Variants in ZNF292 observed in about 807,000 individuals in gnomAD.
ZNF292 encodes the protein zinc finger protein 292.
ZNF292 carries 26 observed loss-of-function variants against 217.9 expected under a neutral mutation model. That is an observed-to-expected ratio of 0.12 (90% confidence interval 0.09 to 0.17). ZNF292 has a LOEUF of 0.17. Among genes scored for constraint, ZNF292 ranks in the 10% least tolerant of loss-of-function variants. The pLI is 1.00. For missense variants in ZNF292, 2,904 were observed against 3,175.2 expected (o/e 0.91, Z 2.05); for synonymous variants, 1,257 against 1,124.1 (o/e 1.12, Z -2.37).
chr6:87,172,259 A>G (rs1213551991), intron 1 of ZNF292, among the ~76,000 whole-genome samples: 1 of 152,116 alleles, frequency 6.6e-6, no homozygotes, highest in Admixed American at 6.5e-5. Context: ...GTAATCAGGA[A>G]ATTTCCCAGT....
chr6:87,248,399 C>T (rs1024506492), intron 7 of ZNF292, among the ~76,000 whole-genome samples: 4 of 152,090 alleles, frequency 2.6e-5, no homozygotes, highest in African/African-American at 9.7e-5. Context: ...CCTCTGTCAA[C>T]CTTGTTAACT....
chr6:87,264,545 G>GGT lies in ZNF292; in HGVS notation c.*2745_*2746dup, dbSNP rs1343400622. Among the ~76,000 whole-genome samples the GGT allele has an allele frequency of 6.6e-6, 1 of 152,170 alleles. No individual in the cohort carries two copies. The highest frequency in any genetic ancestry group is 1.5e-5 in the Non-Finnish European group (1 of 68,028). On this transcript the variant is annotated 3_prime_UTR_variant, in exon 8 of 8. Transcript: ENST00000369577. ...AATGCCCTATTTTTCTGGAAAAGGA[G>GGT]GTAGGTAGTTGGGAAAGTCTTTGTA...
chr6:87,160,034 A>G (rs1371539028), intron 1 of ZNF292, among the ~76,000 whole-genome samples: 1 of 152,204 alleles, frequency 6.6e-6, no homozygotes, highest in Non-Finnish European at 1.5e-5. Context: ...ATTGTATTAG[A>G]CTGGGCCAGT....
intron 4 of ZNF292, among the ~76,000 whole-genome samples, chr6:87,224,985 A>G (rs1004680805): frequency 1.4e-4 from 21 of 152,342 alleles, no homozygotes; most frequent in Middle Eastern, 3.4e-3. Context: ...CTCATCAGCA[A>G]TGAATAATTC....
At chr6:87,176,799 G>C (rs1323119415) in intron 1 of ZNF292, among the ~76,000 whole-genome samples, 2 of 152,136 alleles carry the variant, frequency 1.3e-5, no homozygotes, top group Non-Finnish European at 2.9e-5. Context: ...CACTCACTCT[G>C]GATAGGATTT....
Position 87,265,782 on chromosome 6 carries a change from G to A in ZNF292, c.*3981G>A, listed in dbSNP as rs1403419431. ...TCAATTGTATCAGCTGTTTGCAAAT[G>A]GTGATTATTCTGATTGATCAATTTA... On this transcript the variant is annotated 3_prime_UTR_variant, in exon 8 of 8. Coordinates refer to ENST00000369577, the MANE Select transcript of ZNF292 (RefSeq NM_015021.3). Among the ~76,000 whole-genome samples, 4 of 152,126 alleles carry A rather than the reference G, an allele frequency of 2.6e-5. No individual in the cohort carries two copies. Among genetic ancestry groups the A allele is most frequent in the African/African-American group, 9.7e-5 (4 of 41,418 alleles).
intron 1 of ZNF292, among the ~76,000 whole-genome samples, chr6:87,211,605 T>G (rs1224671237): frequency 6.6e-6 from 1 of 152,218 alleles, no homozygotes; most frequent in African/African-American, 2.4e-5. Context: ...ACCTAATTAC[T>G]GAATAGGTAG....
chr6:87,260,966 A>C lies in ZNF292; in HGVS notation c.7337A>C (p.Asn2446Thr). The C allele has an allele frequency of 6.2e-7, 1 of 1,609,888 alleles. No individual in the cohort carries two copies. The highest frequency in any genetic ancestry group is 2.2e-5 in the East Asian group (1 of 44,780). ...KETSEQEGAK[N>T]DVKDSDTCVS... ...ACGTCTGAGCAAGAAGGTGCTAAGA[A>C]TGATGTGAAAGATTCTGACACGTGT... The change falls in exon 8 of 8, where the codon AAT becomes ACT. Residue 2446 changes from asparagine (N) to threonine (T), a missense_variant. Asn to Thr is a moderately conservative substitution (Grantham distance 65). Transcript: ENST00000369577.
At chr6:87,225,941 T>C (rs1344988431) in intron 4 of ZNF292, among the ~76,000 whole-genome samples, 7 of 152,232 alleles carry the variant, frequency 4.6e-5, no homozygotes, top group Non-Finnish European at 1.0e-4. Flanking sequence ...AGGTGTCATC[T>C]TGGGTTTTAC....
In ZNF292 at chr6:87,216,003, C is replaced by G. The variant is rs1327633366; in HGVS notation, c.269C>G (p.Pro90Arg). 1.9e-6 allele frequency: 3 copies of G among 1,584,684 alleles called. No homozygotes were observed. The Admixed American group carries it at 5.9e-5, about 31-fold the overall frequency. ...ATCCAAAGTTATGTTAAAGCCCGAC[C>G]TTATCTTACCTCTGAATGTGAAAAT... ...VAIQSYVKAR[P>R]YLTSECENVA... is the part of the protein sequence containing the mutation. Residue 90 changes from proline to arginine, a missense_variant, in exon 2 of 8, where the codon CCT (proline) becomes CGT (arginine). Pro to Arg is a moderately radical substitution (Grantham distance 103). This residue lies in a region of ZNF292 where 313 missense variants were observed against 451.0 expected (regional missense o/e 0.69). Coordinates refer to ENST00000369577, the MANE Select transcript of ZNF292 (RefSeq NM_015021.3).
chr6:87,216,169 C>A, intron 2 of ZNF292, 112 bp downstream of exon 2: 1 of 1,320,740 alleles, frequency 7.6e-7, no homozygotes, highest in Non-Finnish European at 1.0e-6. Flanking sequence ...CATTAAATCT[C>A]AAGTCTTATA....
chr6:87,193,091 C>T (rs988874770), intron 1 of ZNF292, among the ~76,000 whole-genome samples: 3 of 152,204 alleles, frequency 2.0e-5, no homozygotes, highest in Non-Finnish European at 4.4e-5. Context: ...TGGGCTCAAG[C>T]AGTTCTCCTG....
chr6:87,226,014 G>C (rs1773326829), intron 4 of ZNF292, among the ~76,000 whole-genome samples: 1 of 152,058 alleles, frequency 6.6e-6, no homozygotes, highest in Admixed American at 6.6e-5. Flanking sequence ...TGCATCCTTG[G>C]TCTTAAACCT....
chr6:87,251,219 G>T (rs1486459169), intron 7 of ZNF292, among the ~76,000 whole-genome samples: 1 of 152,194 alleles, frequency 6.6e-6, no homozygotes, highest in African/African-American at 2.4e-5. Flanking sequence ...TGGTCAGACT[G>T]TGAAGTCCTT....
At chr6:87,214,539 G>A (rs961057885) in intron 1 of ZNF292, among the ~76,000 whole-genome samples, 2 of 152,054 alleles carry the variant, frequency 1.3e-5, no homozygotes, top group African/African-American at 2.4e-5. Context: ...TGAGAAACAC[G>A]TTTTTCCACT....
At chr6:87,172,881 G>A (rs544476514) in intron 1 of ZNF292, among the ~76,000 whole-genome samples, 13 of 149,070 alleles carry the variant, frequency 8.7e-5, no homozygotes, top group East Asian at 5.9e-4. Flanking sequence ...CAATCTGGGC[G>A]ACAGAATGAG....
chr6:87,187,411 A>C lies in ZNF292; in HGVS notation c.169-28492A>C, dbSNP rs534294063. ...AACTGGAGAGTGGTTGAATGAACCC[A>C]CTCTGTGGTCAAATGTTTGATATTT... On this transcript the variant is annotated intron_variant, in intron 1 of 7. Coordinates refer to ENST00000369577, the MANE Select transcript of ZNF292 (RefSeq NM_015021.3). Among the ~76,000 whole-genome samples the C allele has an allele frequency of 4.0e-3, 519 of 128,294 alleles. 3 individuals carry two copies. Among genetic ancestry groups the C allele is most frequent in the Middle Eastern group, 0.022 (5 of 232 alleles). 84.2% of individuals were successfully genotyped at this position (128,294 alleles called of 152,430 possible). A position where few individuals can be genotyped will look rare whatever the true frequency, so the allele number is the denominator to read the frequency against.
chr6:87,205,607 T>C (rs886426156), intron 1 of ZNF292, among the ~76,000 whole-genome samples: 5 of 152,136 alleles, frequency 3.3e-5, no homozygotes, highest in African/African-American at 7.2e-5. Flanking sequence ...ATTCAATATA[T>C]TTTGATTTTA....
At chr6:87,167,773 C>G (rs1770963923) in intron 1 of ZNF292, among the ~76,000 whole-genome samples, 1 of 152,210 alleles carries the variant, frequency 6.6e-6, no homozygotes. Context: ...TTTTACTGCT[C>G]TTTATGTGGT....
Sources: gnomAD v4.1 joint callset for allele counts (sites outside exome capture counted in the v4.1 genomes callset) on GRCh38, gnomAD v4.1.1 for gene constraint, gnomAD v4.1.1 regional missense constraint, MANE v1.5 for transcripts, NCBI Gene and HGNC (gene_info 2026-07-23, HGNC 2026-07-21) for gene names.